PHTF2: variants seen among roughly 807,000 people sequenced by gnomAD.
The protein encoded by PHTF2 is protein PHTF2.
Under a neutral mutation model 101.2 loss-of-function variants are expected in PHTF2, and 60 were observed. The observed-to-expected ratio is 0.59, with a 90% CI of 0.48 to 0.73. PHTF2 has a LOEUF of 0.73. PHTF2 is among the 30% of genes least tolerant of loss of function. The probability of loss-of-function intolerance (pLI) is 0.00; values close to 1 mark genes in which losing one functional copy is unlikely to be tolerated. For synonymous variants in PHTF2, 311 were observed against 307.3 expected (o/e 1.01, Z -0.13); for missense variants, 747 against 908.7 (o/e 0.82, Z 2.29).
At chr7:77,887,046 T>TAA (rs60779765) in intron 3 of PHTF2, among the ~76,000 whole-genome samples, 5 of 139,948 alleles carry the variant, frequency 3.6e-5, no homozygotes, top group South Asian at 2.3e-4. Flanking sequence ...ACCCTGTCTT[T>TAA]AAAAAAAAAA....
Position 77,949,842 on chromosome 7 carries a change from G to A in PHTF2, c.2115+9G>A, listed in dbSNP as rs1380822718. 2 of 1,379,072 alleles carry A rather than the reference G, an allele frequency of 1.5e-6. No individual in the cohort carries two copies. Among genetic ancestry groups the A allele is most frequent in the Admixed American group, 4.6e-5 (2 of 43,468 alleles). 85.4% of individuals were successfully genotyped at this position (1,379,072 alleles called of 1,614,324 possible). The stretch of plus-strand genomic sequence containing the variant: ...TATTACTTACTGAACAGGTGAGTGT[G>A]CCTACTTATTATGCTACAAATTAAT... On this transcript the variant is annotated intron_variant, in intron 17 of 19. Transcript: ENST00000416283.
At chr7:77,846,964 C>T (rs1231528963) in intron 2 of PHTF2, among the ~76,000 whole-genome samples, 2 of 152,062 alleles carry the variant, frequency 1.3e-5, no homozygotes, top group Non-Finnish European at 2.9e-5. Context: ...ACTTAGTTCC[C>T]ATGAAAGGAG....
At chr7:77,900,814 G>A (rs1315571076) in intron 6 of PHTF2, 34 bp downstream of exon 5, 3 of 1,039,110 alleles carry the variant, frequency 2.9e-6, no homozygotes, top group Non-Finnish European at 4.6e-6. Flanking sequence ...AATACAAGTA[G>A]ACATTGTTCT....
At chr7:77,840,092 A>G in intron 1 of PHTF2, 129 bp from the exon 2 acceptor site, 1 of 433,160 alleles carries the variant, frequency 2.3e-6, no homozygotes. Context: ...AATGAGGAAG[A>G]GTGTAATATA....
At chr7:77,842,379 T>G (rs565902458) in intron 2 of PHTF2, among the ~76,000 whole-genome samples, 9 of 152,282 alleles carry the variant, frequency 5.9e-5, no homozygotes, top group African/African-American at 1.4e-4. Context: ...AGATCTTGTA[T>G]TTTTAGTAGA....
Position 77,801,443 on chromosome 7 carries a change from G to A in PHTF2, c.-36+2472G>A, listed in dbSNP as rs553534026. Among the ~76,000 whole-genome samples, 11 of 152,168 alleles carry A rather than the reference G, an allele frequency of 7.2e-5. No individual in the cohort carries two copies. In the East Asian group the frequency reaches 1.2e-3, roughly 16 times the overall value. On this transcript the variant is annotated intron_variant, in intron 1 of 19. Transcript: ENST00000416283. ...ACTAAAAATACAAAAAAAATTAGCC[G>A]GGCGTGGTGGTATGCACCTGTAGTC...
intron 1 of PHTF2, among the ~76,000 whole-genome samples, chr7:77,815,197 A>G (rs1401845125): frequency 6.6e-6 from 1 of 152,192 alleles, no homozygotes; most frequent in African/African-American, 2.4e-5. Context: ...TTAAGAAGAT[A>G]GTGTCATCTT....
At chr7:77,940,707 A>T in intron 15 of PHTF2, 48 bp downstream of exon 14, 1 of 1,350,218 alleles carries the variant, frequency 7.4e-7, no homozygotes. Flanking sequence ...GCCCTTTCTG[A>T]TAGTTCCAGT....
chr7:77,924,057 A>G (rs1803728855), intron 11 of PHTF2: 2 of 950,574 alleles, frequency 2.1e-6, no homozygotes, highest in Non-Finnish European at 2.5e-6. Context: ...TGAAGAATGT[A>G]GACTAGGTGA....
intron 3 of PHTF2, among the ~76,000 whole-genome samples, chr7:77,860,745 T>G (rs771429949): frequency 1.6e-4 from 24 of 152,182 alleles, no homozygotes; most frequent in Admixed American, 3.9e-4. Context: ...AGGCTCTCAC[T>G]CTGTTACCCA....
intron 1 of PHTF2, among the ~76,000 whole-genome samples, chr7:77,831,420 C>T (rs944099432): frequency 5.3e-5 from 8 of 152,178 alleles, no homozygotes; most frequent in Non-Finnish European, 2.9e-5. Context: ...TTAGGAGAGG[C>T]TGCAGTTCAG....
intron 11 of PHTF2, chr7:77,923,310 A>G (rs1803653220): frequency 1.1e-6 from 1 of 935,202 alleles, no homozygotes; most frequent in Non-Finnish European, 1.3e-6. Context: ...ATTCAATTGT[A>G]TTTTCAGTTT....
chr7:77,919,581 A>G (rs1803252544), intron 9 of PHTF2, among the ~76,000 whole-genome samples: 1 of 152,136 alleles, frequency 6.6e-6, no homozygotes. Context: ...GTTAGTAAAA[A>G]ACATCTTATT....
chr7:77,937,660 TA>T, intron 12 of PHTF2, 49 bp from the exon 12 acceptor site: 1 of 700,736 alleles, frequency 1.4e-6, no homozygotes, highest in Non-Finnish European at 2.1e-6. Flanking sequence ...ACACACATTT[TA>T]TTTATTAAAT....
intron 3 of PHTF2, among the ~76,000 whole-genome samples, chr7:77,862,175 C>T (rs1797703579): frequency 6.6e-6 from 1 of 151,974 alleles, no homozygotes; most frequent in South Asian, 2.1e-4. Context: ...ATCTATAGTT[C>T]TCCTTAGTAT....
chr7:77,927,906 G>A (rs1164699474), intron 11 of PHTF2, among the ~76,000 whole-genome samples: 1 of 152,218 alleles, frequency 6.6e-6, no homozygotes, highest in East Asian at 1.9e-4. Context: ...TAGCACATAT[G>A]AAGATGAGCA....
intron 3 of PHTF2, among the ~76,000 whole-genome samples, chr7:77,860,144 G>A (rs946900992): frequency 6.6e-6 from 1 of 152,144 alleles, no homozygotes; most frequent in African/African-American, 2.4e-5. Flanking sequence ...CTCTTAAAAT[G>A]CTGATTGTCT....
At chr7:77,895,480 T>C (rs999168178) in intron 5 of PHTF2, among the ~76,000 whole-genome samples, 16 of 152,138 alleles carry the variant, frequency 1.1e-4, no homozygotes, top group African/African-American at 3.6e-4. Flanking sequence ...TAATACCTTT[T>C]ATCCTCTTTG....
intron 11 of PHTF2, among the ~76,000 whole-genome samples, chr7:77,927,933 C>T (rs972988128): frequency 6.6e-6 from 1 of 152,034 alleles, no homozygotes. Flanking sequence ...GTGAAGGAAT[C>T]GGAACTTTAT....
Sources: allele counts gnomAD v4.1 joint callset (sites outside exome capture counted in the v4.1 genomes callset), GRCh38; gene constraint gnomAD v4.1.1; transcripts MANE v1.5; gene names NCBI Gene and HGNC (gene_info 2026-07-23, HGNC 2026-07-21).